The following TTLL11 variants were observed in gnomAD, a reference collection of about 807,000 sequenced individuals.
The protein encoded by TTLL11 is tubulin polyglutamylase TTLL11.
A neutral mutation model predicts 51.7 loss-of-function variants in TTLL11; 42 were observed. The ratio of observed to expected loss-of-function variants is 0.81; its 90% confidence interval spans 0.64 to 1.05. TTLL11 has a LOEUF of 1.05. Ranked by LOEUF, TTLL11 falls within the 50% of genes least tolerant of loss-of-function variation. The probability of loss-of-function intolerance (pLI) is 0.00; values close to 1 mark genes in which losing one functional copy is unlikely to be tolerated. For synonymous variants in TTLL11, 381 were observed against 383.5 expected, an observed-to-expected ratio of 0.99 and a Z score of 0.08; for missense variants, 799 against 940.4, an observed-to-expected ratio of 0.85 and a Z score of 1.97.
chr9:121,860,431 G>C lies in TTLL11; in HGVS notation c.1746C>G (p.Leu582=). 2 of 1,550,910 alleles carry C rather than the reference G, an allele frequency of 1.3e-6. No individual in the cohort carries two copies. Among genetic ancestry groups the C allele is most frequent in the African/African-American group, 2.7e-5 (2 of 73,156 alleles). ...CAGCCATGGACAGGCTGCTGCTGCT[G>C]AGTTTGCAGCTCCTGCCAACAATGG... ...GFRTFIRSCK[L]SSSSLSMAAV... Residue 582 remains leucine (L), a synonymous_variant, in exon 8 of 9, where the codon CTC becomes CTG. Coordinates refer to ENST00000321582, the MANE Select transcript of TTLL11 (RefSeq NM_001139442.2).
intron 6 of TTLL11, among the ~76,000 whole-genome samples, chr9:121,940,670 C>T (rs971059226): frequency 6.6e-6 from 1 of 152,088 alleles, no homozygotes; most frequent in African/African-American, 2.4e-5. Flanking sequence ...CCTCCTCCTT[C>T]ACTCACCCAC....
intron 3 of TTLL11, among the ~76,000 whole-genome samples, chr9:121,997,091 C>T (rs891451611): frequency 2.0e-5 from 3 of 152,196 alleles, no homozygotes; most frequent in Non-Finnish European, 4.4e-5. Flanking sequence ...ATGCTTTACC[C>T]CAATGCCAGC....
chr9:121,864,887 C>T (rs2131387526), intron 7 of TTLL11, among the ~76,000 whole-genome samples: 1 of 152,214 alleles, frequency 6.6e-6, no homozygotes, highest in African/African-American at 2.4e-5. Context: ...CAACTTTTTC[C>T]ACTCCATAAA....
chr9:121,872,355 A>G (rs751662368), intron 6 of TTLL11, among the ~76,000 whole-genome samples: 3 of 152,166 alleles, frequency 2.0e-5, no homozygotes, highest in Non-Finnish European at 2.9e-5. Flanking sequence ...CCTGCACTGC[A>G]CTGGTTTACA....
At chr9:121,895,685 GTGAA>G (rs1839460843) in intron 6 of TTLL11, among the ~76,000 whole-genome samples, 1 of 33,668 alleles carries the variant, frequency 3.0e-5, no homozygotes, top group Admixed American at 2.3e-4. Context: ...GTGTGTCTGT[GTGAA>G]TGTGTGATTG....
At chr9:121,919,597 T>C (rs1840450234) in intron 6 of TTLL11, among the ~76,000 whole-genome samples, 1 of 152,200 alleles carries the variant, frequency 6.6e-6, no homozygotes, top group Admixed American at 6.5e-5. Flanking sequence ...AGATTCGCTT[T>C]GTCCACAGAT....
chr9:121,984,417 C>G (rs1842897103), intron 4 of TTLL11, among the ~76,000 whole-genome samples: 1 of 152,266 alleles, frequency 6.6e-6, no homozygotes, highest in South Asian at 2.1e-4. Flanking sequence ...TCCTAGTTTG[C>G]TCTTATTTGT....
intron 6 of TTLL11, among the ~76,000 whole-genome samples, chr9:121,923,036 A>G (rs1840597350): frequency 1.3e-5 from 2 of 152,208 alleles, no homozygotes; most frequent in African/African-American, 4.8e-5. Flanking sequence ...ACGCATGGGC[A>G]TTAAAGGTGG....
chr9:121,886,634 T>A (rs946323524), intron 6 of TTLL11, among the ~76,000 whole-genome samples: 1 of 152,174 alleles, frequency 6.6e-6, no homozygotes, highest in Non-Finnish European at 1.5e-5. Flanking sequence ...TTGTTCTAAG[T>A]CACGCAGTTT....
rs756637990 is a variant in TTLL11, at chr9:122,093,035, C to A, written c.114G>T (p.Ala38=). The A allele has an allele frequency of 1.2e-5, 18 of 1,524,850 alleles. No homozygotes were observed. Among genetic ancestry groups the A allele is most frequent in the Non-Finnish European group, 1.6e-5 (18 of 1,143,966 alleles). The allele number at this position is 1,524,850 out of a possible 1,614,324, so 94.5% of individuals were successfully genotyped here. A position where few individuals can be genotyped will look rare whatever the true frequency, so the allele number is the denominator to read the frequency against. The change falls in exon 1 of 9, where the codon GCG becomes GCT. Residue 38 remains alanine, a synonymous_variant. Coordinates refer to ENST00000321582, the MANE Select transcript of TTLL11 (RefSeq NM_001139442.2). ...AEAEATAETV[A]EQVRVDAGAA... ...CGCCCGCGTCCACGCGGACCTGTTC[C>A]GCCACCGTCTCCGCTGTGGCCTCGG...
intron 8 of TTLL11, among the ~76,000 whole-genome samples, chr9:121,839,188 T>C (rs369918184): frequency 1.3e-5 from 2 of 152,374 alleles, no homozygotes; most frequent in South Asian, 2.1e-4. Context: ...CAACGTCTAA[T>C]TACATGCAAT....
At chr9:121,899,376 TAC>T (rs10545994) in intron 6 of TTLL11, among the ~76,000 whole-genome samples, 25,321 of 94,776 alleles carry the variant, frequency 0.27, 2,427 homozygotes, top group Admixed American at 0.31. Context: ...TATATATATA[TAC>T]ATATATATAT....
intron 6 of TTLL11, among the ~76,000 whole-genome samples, chr9:121,878,278 A>G (rs1165486795): frequency 6.6e-6 from 1 of 152,108 alleles, no homozygotes; most frequent in African/African-American, 2.4e-5. Context: ...ATCAAGATGA[A>G]TCTGCTTGGG....
intron 6 of TTLL11, among the ~76,000 whole-genome samples, chr9:121,902,174 G>A (rs1341301561): frequency 6.6e-6 from 1 of 152,140 alleles, no homozygotes; most frequent in African/African-American, 2.4e-5. Flanking sequence ...CTACAGCCCA[G>A]AAGCAACCAG....
At chr9:121,823,764 C>T (rs1836657077) in intron 8 of TTLL11, among the ~76,000 whole-genome samples, 1 of 152,180 alleles carries the variant, frequency 6.6e-6, no homozygotes, top group South Asian at 2.1e-4. Flanking sequence ...ATAAACCCAA[C>T]TGTCATTTCT....
chr9:122,093,035 C>T lies in TTLL11; in HGVS notation c.114G>A (p.Ala38=). ...AEAEATAETV[A]EQVRVDAGAA... ...CGCCCGCGTCCACGCGGACCTGTTC[C>T]GCCACCGTCTCCGCTGTGGCCTCGG... Residue 38 remains alanine, a synonymous_variant, in exon 1 of 9, where the codon GCG becomes GCA. Coordinates refer to ENST00000321582, the MANE Select transcript of TTLL11 (RefSeq NM_001139442.2). 1 of 1,524,852 alleles carries T rather than the reference C, an allele frequency of 6.6e-7. No homozygotes were observed. The highest frequency in any genetic ancestry group is 8.7e-7 in the Non-Finnish European group (1 of 1,143,966). The allele number at this position is 1,524,852 out of a possible 1,614,324, so 94.5% of individuals were successfully genotyped here. A position where few individuals can be genotyped will look rare whatever the true frequency, so the allele number is the denominator to read the frequency against.
At chr9:122,025,571 G>T (rs7029678) in intron 3 of TTLL11, among the ~76,000 whole-genome samples, 3,706 of 152,220 alleles carry the variant, frequency 0.024, 145 homozygotes, top group African/African-American at 0.085. Flanking sequence ...AGTGAGCTGT[G>T]ATCGGGCCAC....
intron 6 of TTLL11, among the ~76,000 whole-genome samples, chr9:121,965,649 G>A (rs993615831): frequency 1.3e-5 from 2 of 152,188 alleles, no homozygotes; most frequent in African/African-American, 4.8e-5. Context: ...CCATTCAGCA[G>A]GATAGCGGAT....
At chr9:121,844,612 T>C (rs900648705) in intron 8 of TTLL11, among the ~76,000 whole-genome samples, 6 of 152,166 alleles carry the variant, frequency 3.9e-5, no homozygotes, top group African/African-American at 1.4e-4. Context: ...TTAAAGTCTC[T>C]AATGGAAAAA....
Sources: gnomAD v4.1 joint callset for allele counts (sites outside exome capture counted in the v4.1 genomes callset) on GRCh38, gnomAD v4.1.1 for gene constraint, MANE v1.5 for transcripts, NCBI Gene and HGNC (gene_info 2026-07-23, HGNC 2026-07-21) for gene names.